DTX4: variants seen among roughly 807,000 people sequenced by gnomAD.
DTX4 encodes deltex E3 ubiquitin ligase 4, also known as E3 ubiquitin-protein ligase DTX4.
Under a neutral mutation model 57.6 loss-of-function variants are expected in DTX4, and 28 were observed. The observed-to-expected ratio is 0.49, with a 90% confidence interval of 0.36 to 0.67. The LOEUF (loss-of-function observed/expected upper bound fraction) is 0.67, where lower values mean the gene tolerates loss of function less well. DTX4 is among the 30% of genes least tolerant of loss of function. The probability of loss-of-function intolerance (pLI) is 0.00; values close to 1 mark genes in which losing one functional copy is unlikely to be tolerated. For missense variants in DTX4, 715 were observed against 836.8 expected (o/e 0.85, Z 1.80); for synonymous variants, 316 against 331.0 (o/e 0.95, Z 0.49).
In DTX4 at chr11:59,189,614, T is replaced by C. The variant is rs567127118; in HGVS notation, c.1159+291T>C. Among the ~76,000 whole-genome samples the C allele has an allele frequency of 3.3e-5, 5 of 152,346 alleles. No homozygotes were observed. In the East Asian group the frequency reaches 9.6e-4, roughly 29 times the overall value. On this transcript the variant is annotated intron_variant, in intron 4 of 8. Coordinates refer to ENST00000227451, the MANE Select transcript of DTX4 (RefSeq NM_015177.2). Reference sequence around the variant, plus strand: ...TTAGAAGAGAAAGATGACTTTGGCATTGGAACCAAAACAGACTGGATTCAA... The same window carrying C: ...TTAGAAGAGAAAGATGACTTTGGCACTGGAACCAAAACAGACTGGATTCAA...
intron 8 of DTX4, among the ~76,000 whole-genome samples, chr11:59,203,242 G>A (rs545252691): frequency 6.6e-6 from 1 of 152,212 alleles, no homozygotes; most frequent in African/African-American, 2.4e-5. Flanking sequence ...AGCTTATTGT[G>A]ACTTCTCCAT....
Position 59,182,455 on chromosome 11 carries a change from G to T in DTX4, c.928G>T (p.Ala310Ser). The T allele has an allele frequency of 1.2e-6, 2 of 1,600,642 alleles. No homozygotes were observed. Among genetic ancestry groups the T allele is most frequent in the Non-Finnish European group, 1.7e-6 (2 of 1,172,556 alleles). ...CATTGCCCAGTCCCGGGTGCTGATC[G>T]CCTCTGGGTAAGTGCTTCCACAGCT... ...LAIAQSRVLI[A>S]SGVPTVPVKN... The change falls in exon 2 of 9, where the codon GCC (alanine) becomes TCC (serine). Residue 310 changes from alanine to serine, a missense_variant. Physicochemically the swap from Ala to Ser is moderately conservative, Grantham distance 99. Coordinates refer to ENST00000227451, the MANE Select transcript of DTX4 (RefSeq NM_015177.2).
intron 1 of DTX4, among the ~76,000 whole-genome samples, chr11:59,179,418 C>G (rs891753915): frequency 4.6e-5 from 7 of 152,188 alleles, no homozygotes; most frequent in Non-Finnish European, 7.3e-5. Flanking sequence ...GTTTTTGTAC[C>G]CTTTCCCAAT....
Position 59,195,881 on chromosome 11 carries a change from A to G in DTX4, c.1536+512A>G, listed in dbSNP as rs1862661309. Among the ~76,000 whole-genome samples, 5 of 152,246 alleles carry G rather than the reference A, an allele frequency of 3.3e-5. No individual in the cohort carries two copies. In the South Asian group the frequency reaches 1.0e-3, roughly 32 times the overall value. ...ATATATCTGTAGAATAATTTTCCAG[A>G]AGTGGAATTTCTTTGTCAAACGGTA... On this transcript the variant is annotated intron_variant, in intron 7 of 8. Coordinates refer to ENST00000227451, the MANE Select transcript of DTX4 (RefSeq NM_015177.2).
chr11:59,195,099 G>T (rs577585841), intron 6 of DTX4, 109 bp from the exon 7 acceptor site: 2 of 1,107,540 alleles, frequency 1.8e-6, no homozygotes, highest in South Asian at 2.5e-5. Flanking sequence ...ACTCACCAGG[G>T]TGCATTTTGT....
chr11:59,172,029 G>A (rs1394776839), upstream of DTX4, among the ~76,000 whole-genome samples: 1 of 147,092 alleles, frequency 6.8e-6, no homozygotes, highest in East Asian at 2.2e-4. Flanking sequence ...AAGGAACTGA[G>A]CAGAGCCACA....
intron 2 of DTX4, among the ~76,000 whole-genome samples, chr11:59,184,108 T>C (rs536328951): frequency 2.0e-5 from 3 of 152,364 alleles, no homozygotes; most frequent in East Asian, 3.9e-4. Flanking sequence ...TCCCCTGAGA[T>C]GGCAGAAGTA....
Position 59,181,979 on chromosome 11 carries a change from G to A in DTX4, c.452G>A (p.Arg151His), listed in dbSNP as rs1192486441. The A allele has an allele frequency of 6.8e-6, 11 of 1,613,772 alleles. No homozygotes were observed. Among genetic ancestry groups the A allele is most frequent in the East Asian group, 2.2e-5 (1 of 44,884 alleles). ...GQINRQTQRQ[R>H]RVRRRLDLIY... ...ATCAACCGTCAGACCCAGCGCCAAC[G>A]CCGCGTCCGCCGGCGCCTCGACCTC... The change falls in exon 2 of 9, where the codon CGC (arginine) becomes CAC (histidine). Residue 151 changes from arginine to histidine, a missense_variant. Arg to His is a conservative substitution (Grantham distance 29). Transcript: ENST00000227451.
intron 8 of DTX4, among the ~76,000 whole-genome samples, chr11:59,201,491 G>T (rs557796563): frequency 6.6e-6 from 1 of 152,146 alleles, no homozygotes; most frequent in Non-Finnish European, 1.5e-5. Flanking sequence ...CTGGATGCTT[G>T]TTACTTCCAC....
Position 59,181,775 on chromosome 11 carries a change from C to T in DTX4, c.248C>T (p.Pro83Leu), listed in dbSNP as rs753027022. ...CCAGTTCGCCGCAACTACTACGACC[C>T]CTCCTCGGCCCCTGGGAAGGGCGTG... is the stretch of plus-strand genomic sequence containing the variant. ...LRPVRRNYYDPSSAPGKGVVW... is the reference protein window; with the variant it reads ...LRPVRRNYYDLSSAPGKGVVW... The change falls in exon 2 of 9, where the codon CCC (proline) becomes CTC (leucine). Residue 83 changes from proline to leucine, a missense_variant. Transcript: ENST00000227451. 6.2e-6 allele frequency: 10 copies of T among 1,612,676 alleles called. No individual in the cohort carries two copies. The highest frequency in any genetic ancestry group is 5.0e-5 in the Admixed American group (3 of 59,950).
At position 59,182,129 on chromosome 11, in the gene DTX4, A is replaced by C; in HGVS notation, c.602A>C (p.Lys201Thr). Residue 201 changes from lysine (K) to threonine (T), a missense_variant, in exon 2 of 9, where the codon AAG becomes ACG. By Grantham distance (78) the Lys-to-Thr change is moderately conservative. Coordinates refer to ENST00000227451, the MANE Select transcript of DTX4 (RefSeq NM_015177.2). ...CPQCVLVMSVKAAVVNGSTGP... is the reference protein window; with the variant it reads ...CPQCVLVMSVTAAVVNGSTGP... ...CAGTGTGTCTTGGTGATGAGTGTTA[A>C]GGCAGCCGTGGTCAATGGCAGCACT... The C allele has an allele frequency of 6.2e-7, 1 of 1,613,474 alleles. No homozygotes were observed. Among genetic ancestry groups the C allele is most frequent in the Non-Finnish European group, 8.5e-7 (1 of 1,179,766 alleles).
chr11:59,182,077 C>A lies in DTX4; in HGVS notation c.550C>A (p.Pro184Thr), dbSNP rs978092319. 6.2e-7 allele frequency: 1 copy of A among 1,612,200 alleles called. No individual in the cohort carries two copies. Among genetic ancestry groups the A allele is most frequent in the South Asian group, 1.1e-5 (1 of 90,846 alleles). ...AGTCAGCCCTGGGCCAGCCACCTCG[C>A]CCCCCATGTCCCCCTGCTCCTGTCC... Reference protein sequence around the residue: ...WPVSPGPATSPPMSPCSCPQC... With the variant: ...WPVSPGPATSTPMSPCSCPQC... The change falls in exon 2 of 9, where the codon CCC becomes ACC. Residue 184 changes from proline (P) to threonine (T), a missense_variant. Transcript: ENST00000227451.
chr11:59,193,693 A>G (rs1176534210), intron 6 of DTX4, among the ~76,000 whole-genome samples: 1 of 152,100 alleles, frequency 6.6e-6, no homozygotes, highest in African/African-American at 2.4e-5. Flanking sequence ...ATGTGTTTTT[A>G]TTTTATCAAA....
chr11:59,201,498 C>T, intron 8 of DTX4, among the ~76,000 whole-genome samples: 1 of 152,198 alleles, frequency 6.6e-6, no homozygotes, highest in Non-Finnish European at 1.5e-5. Flanking sequence ...CTTGTTACTT[C>T]CACTCACCCT....
Position 59,181,978 on chromosome 11 carries a change from C to G in DTX4, c.451C>G (p.Arg151Gly). The stretch of plus-strand genomic sequence containing the variant: ...GATCAACCGTCAGACCCAGCGCCAA[C>G]GCCGCGTCCGCCGGCGCCTCGACCT... ...GQINRQTQRQ[R>G]RVRRRLDLIY... Residue 151 changes from arginine (R) to glycine (G), a missense_variant, in exon 2 of 9, where the codon CGC becomes GGC. By Grantham distance (125) the Arg-to-Gly change is moderately radical. Coordinates refer to ENST00000227451, the MANE Select transcript of DTX4 (RefSeq NM_015177.2). 1 of 1,613,988 alleles carries G rather than the reference C, an allele frequency of 6.2e-7. No homozygotes were observed. Among genetic ancestry groups the G allele is most frequent in the South Asian group, 1.1e-5 (1 of 91,090 alleles).
intron 8 of DTX4, among the ~76,000 whole-genome samples, chr11:59,200,340 A>T (rs1240541990): frequency 1.2e-4 from 18 of 152,204 alleles, no homozygotes. Context: ...GTGGGGACAC[A>T]GCCAAACCAT....
In DTX4 at chr11:59,208,268, A is replaced by G. The variant is rs1862841355; in HGVS notation, c.*3359A>G. 1 of 152,390 alleles carries G rather than the reference A, an allele frequency of 6.6e-6. No individual in the cohort carries two copies. The highest frequency in any genetic ancestry group is 1.5e-5 in the Non-Finnish European group (1 of 68,020). The allele number at this position is 152,390 out of a possible 1,614,324, so 9.4% of individuals were successfully genotyped here. A position where few individuals can be genotyped will look rare whatever the true frequency, so the allele number is the denominator to read the frequency against. ...CTCCCTGAGTCTGTAAGCAACCACA[A>G]GCCCTGCCACTGGGTGGGGGAAGTC... On this transcript the variant is annotated 3_prime_UTR_variant, in exon 9 of 9. Coordinates refer to ENST00000227451, the MANE Select transcript of DTX4 (RefSeq NM_015177.2).
chr11:59,200,230 C>T lies in DTX4; in HGVS notation c.1626+457C>T, dbSNP rs368749524. ...TGACACTTATTCACTACCATGAGAA[C>T]AGTATAGGGGAAACTGCCCCCATGA... On this transcript the variant is annotated intron_variant, in intron 8 of 8. Coordinates refer to ENST00000227451, the MANE Select transcript of DTX4 (RefSeq NM_015177.2). Among the ~76,000 whole-genome samples the T allele has an allele frequency of 1.2e-3, 178 of 152,308 alleles. 2 individuals carry two copies. In the South Asian group the frequency reaches 0.031, roughly 26 times the overall value.
rs781254250 is a variant in DTX4, at chr11:59,199,737, A to G, written c.1590A>G (p.Arg530=). The change falls in exon 8 of 9, where the codon CGA becomes CGG. Residue 530 remains arginine (R), a synonymous_variant. Coordinates refer to ENST00000227451, the MANE Select transcript of DTX4 (RefSeq NM_015177.2). ...GKSFSARGFP[R]HCYLPDSEKG... Reference sequence around the variant, plus strand: ...GTTTCAGCGCCCGAGGCTTCCCACGACACTGTTACCTTCCGGACAGCGAGA... The same window carrying G: ...GTTTCAGCGCCCGAGGCTTCCCACGGCACTGTTACCTTCCGGACAGCGAGA... 2 of 1,573,258 alleles carry G rather than the reference A, an allele frequency of 1.3e-6. No homozygotes were observed. The highest frequency in any genetic ancestry group is 1.7e-4 in the Middle Eastern group (1 of 6,020).
Sources: gnomAD v4.1 joint callset for allele counts (sites outside exome capture counted in the v4.1 genomes callset) on GRCh38, gnomAD v4.1.1 for gene constraint, MANE v1.5 for transcripts, NCBI Gene and HGNC (gene_info 2026-07-23, HGNC 2026-07-21) for gene names.